The following PLD5 variants were observed in gnomAD, a reference collection of about 807,000 sequenced individuals.
PLD5 encodes phospholipase D family member 5, also known as inactive phospholipase D5.
In PLD5, 36 loss-of-function variants were observed where a neutral mutation model predicts 61.1. The observed-to-expected ratio is 0.59, with a 90% CI of 0.45 to 0.78. The LOEUF is 0.78. Ranked by LOEUF, PLD5 falls within the 30% of genes least tolerant of loss-of-function variation. The pLI, the probability that PLD5 is intolerant of heterozygous loss-of-function variation, is 0.00. For missense variants in PLD5, 515 were observed against 644.4 expected (o/e 0.80, Z 2.17); for synonymous variants, 243 against 242.8 (o/e 1.00, Z -0.01).
intron 1 of PLD5, among the ~76,000 whole-genome samples, chr1:242,511,297 C>A (rs1275186110): frequency 6.6e-6 from 1 of 152,188 alleles, no homozygotes; most frequent in African/African-American, 2.4e-5. Flanking sequence ...ATAGACTAAT[C>A]TTCCTTACAA....
chr1:242,346,819 C>T (rs1660163471), intron 2 of PLD5, among the ~76,000 whole-genome samples: 1 of 152,174 alleles, frequency 6.6e-6, no homozygotes, highest in Admixed American at 6.5e-5. Flanking sequence ...CCCTGACTCT[C>T]CAACAGGCCC....
At chr1:242,168,772 T>C (rs1437473570) in intron 5 of PLD5, among the ~76,000 whole-genome samples, 1 of 151,620 alleles carries the variant, frequency 6.6e-6, no homozygotes, top group Non-Finnish European at 1.5e-5. Context: ...AAAATAGCAG[T>C]TGTTTAAAGG....
intron 1 of PLD5, among the ~76,000 whole-genome samples, chr1:242,468,191 T>C (rs1294678860): frequency 6.6e-6 from 1 of 152,212 alleles, no homozygotes; most frequent in Non-Finnish European, 1.5e-5. Context: ...TAGTGATTTA[T>C]TGACTTTAAG....
chr1:242,516,395 A>G (rs1669106599), intron 1 of PLD5, among the ~76,000 whole-genome samples: 1 of 151,940 alleles, frequency 6.6e-6, no homozygotes, highest in African/African-American at 2.4e-5. Flanking sequence ...GGGATTATTA[A>G]AACTGCTTCA....
At chr1:242,174,596 G>T (rs1033132856) in intron 5 of PLD5, among the ~76,000 whole-genome samples, 1 of 152,090 alleles carries the variant, frequency 6.6e-6, no homozygotes, top group African/African-American at 2.4e-5. Context: ...AGACACATGC[G>T]CATGTATGTT....
chr1:242,108,872 A>G (rs1661268160), intron 7 of PLD5, among the ~76,000 whole-genome samples: 2 of 152,194 alleles, frequency 1.3e-5, no homozygotes, highest in Non-Finnish European at 2.9e-5. Context: ...TGCAGGCTGC[A>G]GATTCATGAT....
chr1:242,282,947 T>C (rs1298176707), intron 3 of PLD5, among the ~76,000 whole-genome samples: 1 of 152,322 alleles, frequency 6.6e-6, no homozygotes, highest in East Asian at 1.9e-4. Flanking sequence ...CAGGCTGTGA[T>C]ACGGAGTAAG....
chr1:242,167,705 T>C (rs1475428336), intron 5 of PLD5, among the ~76,000 whole-genome samples: 1 of 152,150 alleles, frequency 6.6e-6, no homozygotes, highest in Non-Finnish European at 1.5e-5. Flanking sequence ...GAAGAGGCAA[T>C]AAGGCACAGA....
At chr1:242,393,629 T>C (rs543624335) in intron 1 of PLD5, among the ~76,000 whole-genome samples, 13 of 96,940 alleles carry the variant, frequency 1.3e-4, no homozygotes, top group Non-Finnish European at 2.2e-4. Flanking sequence ...TATATATGAG[T>C]ATATATATGT....
Position 242,175,449 on chromosome 1 carries a change from T to A in PLD5, c.735+44539A>T, listed in dbSNP as rs549370570. ...AGACTAGGTATCAATAGAATGTATCTCAAAATAATAAGAGCTATTTATGAT... is the reference window on the plus strand; with the variant it reads ...AGACTAGGTATCAATAGAATGTATCACAAAATAATAAGAGCTATTTATGAT... On this transcript the variant is annotated intron_variant, in intron 5 of 9. Coordinates refer to ENST00000536534, the MANE Select transcript of PLD5 (RefSeq NM_001372062.1). Among the ~76,000 whole-genome samples the A allele has an allele frequency of 5.3e-4, 80 of 152,286 alleles. 2 individuals are homozygous for A. The South Asian group carries it at 0.016, about 30-fold the overall frequency.
chr1:242,441,192 G>T (rs1358264251), intron 1 of PLD5, among the ~76,000 whole-genome samples: 2 of 152,154 alleles, frequency 1.3e-5, no homozygotes, highest in Non-Finnish European at 2.9e-5. Context: ...TAGGATGCTA[G>T]TATAAATGAT....
At chr1:242,097,543 G>A (rs1161207395) in intron 9 of PLD5, among the ~76,000 whole-genome samples, 4 of 152,154 alleles carry the variant, frequency 2.6e-5, no homozygotes, top group Admixed American at 6.5e-5. Flanking sequence ...CTGCATAAAC[G>A]TCTTCTTTTG....
At chr1:242,156,001 T>G (rs975364130) in intron 5 of PLD5, among the ~76,000 whole-genome samples, 1 of 152,112 alleles carries the variant, frequency 6.6e-6, no homozygotes, top group Admixed American at 6.5e-5. Flanking sequence ...CTTTGTAGGT[T>G]TCTAAGAACT....
At chr1:242,161,952 G>A (rs932681715) in intron 5 of PLD5, among the ~76,000 whole-genome samples, 5 of 152,180 alleles carry the variant, frequency 3.3e-5, no homozygotes, top group Non-Finnish European at 7.4e-5. Flanking sequence ...CGGAACAACA[G>A]ACACAGCTGT....
intron 5 of PLD5, among the ~76,000 whole-genome samples, chr1:242,129,526 T>C (rs911283817): frequency 6.6e-6 from 1 of 152,202 alleles, no homozygotes; most frequent in Non-Finnish European, 1.5e-5. Context: ...TTATGACAAA[T>C]TTTAAAATGC....
intron 2 of PLD5, among the ~76,000 whole-genome samples, chr1:242,291,274 T>C (rs896109379): frequency 2.6e-5 from 4 of 152,190 alleles, no homozygotes; most frequent in Admixed American, 6.5e-5. Context: ...TATCAACTTC[T>C]GCAGTGACCT....
At chr1:242,405,083 GT>G (rs1664158229) in intron 1 of PLD5, among the ~76,000 whole-genome samples, 1 of 151,716 alleles carries the variant, frequency 6.6e-6, no homozygotes, top group African/African-American at 2.4e-5. Context: ...GTTTCACCAA[GT>G]TGACCAGGCT....
chr1:242,459,646 C>T (rs1446120972), intron 1 of PLD5, among the ~76,000 whole-genome samples: 1 of 152,156 alleles, frequency 6.6e-6, no homozygotes, highest in East Asian at 1.9e-4. Context: ...TACAAAATTG[C>T]ACGCAGGATT....
chr1:242,490,563 T>A (rs1668114445), intron 1 of PLD5, among the ~76,000 whole-genome samples: 2 of 152,194 alleles, frequency 1.3e-5, no homozygotes, highest in Admixed American at 1.3e-4. Context: ...AATGTCTAGG[T>A]TCCTCATTTG....
Sources: gnomAD v4.1 joint callset for allele counts (sites outside exome capture counted in the v4.1 genomes callset) on GRCh38, gnomAD v4.1.1 for gene constraint, MANE v1.5 for transcripts, NCBI Gene and HGNC (gene_info 2026-07-23, HGNC 2026-07-21) for gene names.